Variants in ZC3H3 observed in about 807,000 individuals in gnomAD.
ZC3H3 encodes the protein zinc finger CCCH-type containing 3, also known as zinc finger CCCH domain-containing protein 3.
ZC3H3 carries 36 observed loss-of-function variants against 77.3 expected under a neutral mutation model. The ratio of observed to expected loss-of-function variants is 0.47; its 90% CI spans 0.36 to 0.61. The LOEUF (loss-of-function observed/expected upper bound fraction) is 0.61. Ranked by LOEUF, ZC3H3 falls within the 20% of genes least tolerant of loss-of-function variation. The pLI, the probability that ZC3H3 is intolerant of heterozygous loss-of-function variation, is 0.00. For missense variants in ZC3H3, 1,331 were observed against 1,312.2 expected (o/e 1.01, Z -0.22); for synonymous variants, 626 against 555.2 (o/e 1.13, Z -1.79).
chr8:143,509,782 T>C (rs1053240843), intron 3 of ZC3H3, among the ~76,000 whole-genome samples: 1 of 152,130 alleles, frequency 6.6e-6, no homozygotes, highest in Non-Finnish European at 1.5e-5. Context: ...GGGGTTCATG[T>C]TCCCCTCCCC....
intron 4 of ZC3H3, among the ~76,000 whole-genome samples, chr8:143,504,708 C>T (rs1563865501): frequency 6.6e-6 from 1 of 152,180 alleles, no homozygotes; most frequent in Non-Finnish European, 1.5e-5. Flanking sequence ...CATCCTGGGG[C>T]AGGGTCAGCC....
intron 9 of ZC3H3, among the ~76,000 whole-genome samples, chr8:143,443,869 CAA>C (rs1819806095): frequency 6.6e-6 from 1 of 151,728 alleles, no homozygotes; most frequent in Non-Finnish European, 1.5e-5. Context: ...GAAAAACTGA[CAA>C]GAAAAATAAA....
intron 9 of ZC3H3, among the ~76,000 whole-genome samples, chr8:143,457,433 C>CA (rs893035942): frequency 7.0e-4 from 106 of 151,038 alleles, no homozygotes; most frequent in African/African-American, 2.4e-3. Flanking sequence ...GTAAAACAAA[C>CA]AAAAAAAAAT....
intron 4 of ZC3H3, among the ~76,000 whole-genome samples, chr8:143,491,003 G>C (rs1171685844): frequency 6.6e-6 from 1 of 152,246 alleles, no homozygotes; most frequent in Admixed American, 6.5e-5. Flanking sequence ...CGGCACCCAG[G>C]TAGCGCCGGG....
rs1820302509 is a variant in ZC3H3, at chr8:143,462,866, C to A, written c.2307+2851G>T. On this transcript the variant is annotated intron_variant, in intron 9 of 11. Transcript: ENST00000262577. This position sits in a 1 kb window ranked among gnomAD's most constrained non-coding sequence, Gnocchi z 4.7. The stretch of plus-strand genomic sequence containing the variant: ...CTGGCAGCAGCCAACACCCTAGCTG[C>A]AACAAGCACACGCAGCGCCCAGACC... Among the ~76,000 whole-genome samples, 1 of 152,224 alleles carries A rather than the reference C, an allele frequency of 6.6e-6. No individual in the cohort carries two copies. The highest frequency in any genetic ancestry group is 6.5e-5 in the Admixed American group (1 of 15,294).
chr8:143,495,315 C>A (rs1040772227), intron 4 of ZC3H3, among the ~76,000 whole-genome samples: 1 of 152,248 alleles, frequency 6.6e-6, no homozygotes, highest in Non-Finnish European at 1.5e-5. Context: ...GCGAGAACAT[C>A]TGACTCCATT....
chr8:143,456,293 A>T (rs1439472103), intron 9 of ZC3H3, among the ~76,000 whole-genome samples: 1 of 152,222 alleles, frequency 6.6e-6, no homozygotes, highest in East Asian at 1.9e-4. Context: ...TGATACACTT[A>T]AGCCCTAATA....
intron 4 of ZC3H3, among the ~76,000 whole-genome samples, chr8:143,482,709 C>G (rs73715618): frequency 0.018 from 2,774 of 152,308 alleles, 78 homozygotes; most frequent in African/African-American, 0.063. Flanking sequence ...GCCCTGAGAG[C>G]TCCGAGAAGG....
intron 5 of ZC3H3, among the ~76,000 whole-genome samples, chr8:143,471,996 C>T (rs571948834): frequency 1.3e-5 from 2 of 152,340 alleles, no homozygotes; most frequent in East Asian, 3.9e-4. Flanking sequence ...CTGGGCTCTG[C>T]ACAGCCCCAG....
At chr8:143,453,122 C>T (rs1356519248) in intron 9 of ZC3H3, among the ~76,000 whole-genome samples, 1 of 152,194 alleles carries the variant, frequency 6.6e-6, no homozygotes, top group East Asian at 1.9e-4. Flanking sequence ...CAGGGTCTCA[C>T]TCTCTTGCCT....
chr8:143,534,623 C>CA (rs1822732422), intron 3 of ZC3H3, among the ~76,000 whole-genome samples: 2 of 152,132 alleles, frequency 1.3e-5, no homozygotes, highest in Non-Finnish European at 2.9e-5. Flanking sequence ...CTGCTGGCCT[C>CA]CCAGAGCTGG....
chr8:143,539,209 C>G lies in ZC3H3; in HGVS notation c.158G>C (p.Arg53Pro). Reference protein sequence around the residue: ...TYHSGRAFSARYPRPSRRGYS... With the variant: ...TYHSGRAFSAPYPRPSRRGYS... ...GCCCCTCCGGCTTGGACGAGGGTAG[C>G]GGGCACTAAAGGCTCTGCCACTGTG... Residue 53 changes from arginine to proline, a missense_variant, in exon 2 of 12, where the codon CGC becomes CCC. By Grantham distance (103) the Arg-to-Pro change is moderately radical. Around this residue, in one of 3 missense-constraint regions of ZC3H3, gnomAD observed 978 missense variants for 915.5 expected, o/e 1.07. Transcript: ENST00000262577. 1.2e-6 allele frequency: 2 copies of G among 1,612,898 alleles called. No individual in the cohort carries two copies. The highest frequency in any genetic ancestry group is 2.2e-5 in the East Asian group (1 of 44,876).
rs533855355 is a variant in ZC3H3 at position 143,528,884 on chromosome 8, C to T, written c.1561+7373G>A. On this transcript the variant is annotated intron_variant, in intron 3 of 11. Coordinates refer to ENST00000262577, the MANE Select transcript of ZC3H3 (RefSeq NM_015117.3). Reference sequence around the variant, plus strand: ...AGGAGCTGCCGCAGCCTGAGGCTCACGTGCACGCAGGGCGGCCAGGGTGCT... The same window carrying T: ...AGGAGCTGCCGCAGCCTGAGGCTCATGTGCACGCAGGGCGGCCAGGGTGCT... Among the ~76,000 whole-genome samples, 12 of 152,360 alleles carry T rather than the reference C, an allele frequency of 7.9e-5. No individual in the cohort carries two copies. The East Asian group carries it at 2.1e-3, about 27-fold the overall frequency.
intron 4 of ZC3H3, among the ~76,000 whole-genome samples, chr8:143,478,634 A>C (rs969739452): frequency 1.3e-5 from 2 of 152,130 alleles, no homozygotes; most frequent in Non-Finnish European, 2.9e-5. Flanking sequence ...CTCAGCCTCC[A>C]GAGTAGCTGG....
rs751998609 is a variant in ZC3H3, at chr8:143,494,596, C to T, written c.1715+13150G>A. Among the ~76,000 whole-genome samples the T allele has an allele frequency of 5.9e-5, 9 of 152,068 alleles. No individual in the cohort carries two copies. Among genetic ancestry groups the T allele is most frequent in the Non-Finnish European group, 1.2e-4 (8 of 68,022 alleles). ...GCGAGGGCCAGCCGGGAAGGAGGGC[C>T]GGCCGGGACAGGAGGGAAGCGGCAG... is the stretch of plus-strand genomic sequence containing the variant. On this transcript the variant is annotated intron_variant, in intron 4 of 11. Transcript: ENST00000262577. The surrounding 1 kb of genome is among the most constrained non-coding windows in gnomAD (Gnocchi z 5.3).
intron 4 of ZC3H3, among the ~76,000 whole-genome samples, chr8:143,489,355 G>A (rs1821134571): frequency 6.6e-6 from 1 of 152,188 alleles, no homozygotes; most frequent in Admixed American, 6.5e-5. Context: ...AGGGTGGGGT[G>A]GGGGAGTCCT....
rs1035265866 is a variant in ZC3H3, at chr8:143,533,126, C to T, written c.1561+3131G>A. On this transcript the variant is annotated intron_variant, in intron 3 of 11. Coordinates refer to ENST00000262577, the MANE Select transcript of ZC3H3 (RefSeq NM_015117.3). This position sits in a 1 kb window ranked among gnomAD's most constrained non-coding sequence, Gnocchi z 4.0. Reference sequence around the variant, plus strand: ...CCCCTGTCCCTCCCTGGCTTCCCAACGTAACCAGAACCAACCCCCCGTTCC... The same window carrying T: ...CCCCTGTCCCTCCCTGGCTTCCCAATGTAACCAGAACCAACCCCCCGTTCC... Among the ~76,000 whole-genome samples, 1 of 152,148 alleles carries T rather than the reference C, an allele frequency of 6.6e-6. No individual in the cohort carries two copies. The highest frequency in any genetic ancestry group is 1.5e-5 in the Non-Finnish European group (1 of 68,012).
chr8:143,512,696 G>C (rs1254348198), intron 3 of ZC3H3, among the ~76,000 whole-genome samples: 1 of 152,206 alleles, frequency 6.6e-6, no homozygotes, highest in Non-Finnish European at 1.5e-5. Context: ...CCACTCACTG[G>C]CTGGGCCTCT....
chr8:143,520,737 G>T (rs896006568), intron 3 of ZC3H3, among the ~76,000 whole-genome samples: 2 of 152,172 alleles, frequency 1.3e-5, no homozygotes, highest in African/African-American at 2.4e-5. Context: ...GGCCAGCACT[G>T]CCCCGCTAAC....
Sources: allele counts gnomAD v4.1 joint callset (sites outside exome capture counted in the v4.1 genomes callset), GRCh38; gene constraint gnomAD v4.1.1; regional missense constraint gnomAD v4.1.1; non-coding constraint Gnocchi (gnomAD v3.1); transcripts MANE v1.5; gene names NCBI Gene and HGNC (gene_info 2026-07-23, HGNC 2026-07-21).